Variants in DHRSX observed in about 807,000 individuals in gnomAD.
The protein encoded by DHRSX is polyprenol dehydrogenase.
DHRSX carries 31 observed loss-of-function variants against 34.0 expected under a neutral mutation model. That is an observed-to-expected ratio of 0.91 (90% CI 0.69 to 1.23). DHRSX has a LOEUF of 1.23. Among genes scored for constraint, DHRSX ranks in the 50% most tolerant of loss-of-function variants. The pLI is 0.00. For missense variants in DHRSX, 414 were observed against 428.1 expected, an observed-to-expected ratio of 0.97 and a Z score of 0.29; for synonymous variants, 201 against 183.8, an observed-to-expected ratio of 1.09 and a Z score of -0.76.
chrX:2,366,190 C>A (rs188628081), intron 3 of DHRSX, among the ~76,000 whole-genome samples: 1 of 152,142 alleles, frequency 6.6e-6, no homozygotes, highest in African/African-American at 2.4e-5. Flanking sequence ...ACCTTTAATC[C>A]CAGCACTTTG....
chrX:2,314,415 A>AAGGAAGGGGAGAAGGG (rs1569487268), intron 3 of DHRSX, among the ~76,000 whole-genome samples: 6 of 92,002 alleles, frequency 6.5e-5, no homozygotes, highest in African/African-American at 2.2e-4. Flanking sequence ...GAAGGGAGGG[A>AAGGAAGGGGAGAAGGG]AGGAAGGAAG....
chrX:2,405,441 T>A (rs2043540895), intron 3 of DHRSX, among the ~76,000 whole-genome samples: 1 of 151,444 alleles, frequency 6.6e-6, no homozygotes, highest in South Asian at 2.1e-4. Flanking sequence ...TGAGCCGAGA[T>A]CACATTGCTG....
intron 1 of DHRSX, among the ~76,000 whole-genome samples, chrX:2,475,019 A>G (rs2124024530): frequency 6.6e-6 from 1 of 152,134 alleles, no homozygotes; most frequent in African/African-American, 2.4e-5. Context: ...GCATGCAGCC[A>G]AAGAACTGCC....
chrX:2,445,190 G>A (rs1434778542), intron 1 of DHRSX, among the ~76,000 whole-genome samples: 2 of 152,066 alleles, frequency 1.3e-5, no homozygotes, highest in African/African-American at 4.8e-5. Context: ...TACCGGACAC[G>A]CTGGGTTGGA....
intron 3 of DHRSX, among the ~76,000 whole-genome samples, chrX:2,399,392 G>C (rs1232959183): frequency 6.9e-6 from 1 of 145,250 alleles, no homozygotes; most frequent in Non-Finnish European, 1.5e-5. Flanking sequence ...AGTCAATAAG[G>C]GCCATTTTAT....
intron 5 of DHRSX, among the ~76,000 whole-genome samples, chrX:2,265,701 G>A (rs1387774166): frequency 1.4e-5 from 2 of 145,910 alleles, no homozygotes; most frequent in African/African-American, 2.6e-5. Flanking sequence ...AGGGAGCACT[G>A]TCCCCAGAGC....
At chrX:2,291,153 CCAAATAATGACTCTCAGGGGAATGTGGTG>C (rs1212896997) in intron 4 of DHRSX, among the ~76,000 whole-genome samples, 2 of 152,020 alleles carry the variant, frequency 1.3e-5, no homozygotes, top group Non-Finnish European at 2.9e-5. Context: ...CTTCTAGTGC[CCAAATAATGACTCTCAGGGGAATGTGGTG>C]ATGGTTTTGT....
chrX:2,232,149 CCTCT>C (rs749139457), intron 6 of DHRSX, among the ~76,000 whole-genome samples: 4 of 151,344 alleles, frequency 2.6e-5, no homozygotes, highest in Admixed American at 1.3e-4. Context: ...TCTTTCTCCT[CCTCT>C]CTCTCTGCCC....
At chrX:2,253,080 T>A (rs2016469184) in intron 5 of DHRSX, among the ~76,000 whole-genome samples, 1 of 152,214 alleles carries the variant, frequency 6.6e-6, no homozygotes, top group African/African-American at 2.4e-5. Flanking sequence ...CAGCTAATTG[T>A]GAGGCTGAGG....
intron 3 of DHRSX, among the ~76,000 whole-genome samples, chrX:2,315,907 G>A (rs1460458900): frequency 6.6e-6 from 1 of 152,048 alleles, no homozygotes; most frequent in South Asian, 2.1e-4. Context: ...TGTTGCCTAG[G>A]CTGGAGTGCA....
chrX:2,389,253 A>G (rs1295343668), intron 3 of DHRSX, among the ~76,000 whole-genome samples: 14 of 152,138 alleles, frequency 9.2e-5, no homozygotes, highest in Admixed American at 2.0e-4. Flanking sequence ...ACCTGCACCC[A>G]GGTGGGTGCT....
chrX:2,245,781 C>T (rs1055133623), intron 5 of DHRSX, among the ~76,000 whole-genome samples: 1 of 148,576 alleles, frequency 6.7e-6, no homozygotes, highest in Non-Finnish European at 1.5e-5. Context: ...CATGGTGAAA[C>T]CCTGTCTCTA....
intron 5 of DHRSX, among the ~76,000 whole-genome samples, chrX:2,246,250 A>C (rs1025342729): frequency 1.3e-5 from 2 of 152,308 alleles, no homozygotes; most frequent in African/African-American, 4.8e-5. Context: ...AAAGAAAGAC[A>C]TCCGTCATCA....
intron 1 of DHRSX, among the ~76,000 whole-genome samples, chrX:2,498,046 A>T (rs988766833): frequency 2.0e-5 from 3 of 152,206 alleles, no homozygotes; most frequent in Non-Finnish European, 4.4e-5. Context: ...TAAAGGCATG[A>T]CCAACATCTA....
rs183277061 is a variant in DHRSX, at chrX:2,240,694, G to A, written c.804+2329C>T. 4.5e-3 allele frequency among the ~76,000 whole-genome samples: 691 copies of A among 152,168 alleles called. 7 individuals are homozygous for A. The highest frequency in any genetic ancestry group is 0.016 in the African/African-American group (652 of 41,540). ...ACCCATGCGGTTTTGAAGGTGAATCGTGGCGGTGTTTCAAAAGCAGACACT... is the reference window on the plus strand; with the variant it reads ...ACCCATGCGGTTTTGAAGGTGAATCATGGCGGTGTTTCAAAAGCAGACACT... On this transcript the variant is annotated intron_variant, in intron 6 of 6. Transcript: ENST00000334651.
chrX:2,383,431 G>T (rs970953629), intron 3 of DHRSX, among the ~76,000 whole-genome samples: 2 of 150,924 alleles, frequency 1.3e-5, no homozygotes, highest in Non-Finnish European at 3.0e-5. Context: ...CATCATCACA[G>T]TCATTACTAT....
chrX:2,327,950 C>T (rs1203561392), intron 3 of DHRSX, among the ~76,000 whole-genome samples: 9 of 152,018 alleles, frequency 5.9e-5, no homozygotes, highest in South Asian at 2.1e-4. Flanking sequence ...CATGGTGGCA[C>T]GCACCTGTAG....
chrX:2,323,319 A>G (rs1443886865), intron 3 of DHRSX, among the ~76,000 whole-genome samples: 1 of 152,090 alleles, frequency 6.6e-6, no homozygotes, highest in Non-Finnish European at 1.5e-5. Flanking sequence ...TGCATTTGAA[A>G]ACTCCTACGG....
chrX:2,336,048 G>C (rs2042556745), intron 3 of DHRSX, among the ~76,000 whole-genome samples: 1 of 151,734 alleles, frequency 6.6e-6, no homozygotes, highest in Non-Finnish European at 1.5e-5. Flanking sequence ...GTCTTGCTCT[G>C]GTACCAGGGA....
Sources: allele counts gnomAD v4.1 joint callset (sites outside exome capture counted in the v4.1 genomes callset), GRCh38; gene constraint gnomAD v4.1.1; transcripts MANE v1.5; gene names NCBI Gene and HGNC (gene_info 2026-07-23, HGNC 2026-07-21).